Variants in FBXL7 observed in about 807,000 individuals in gnomAD.
The protein encoded by FBXL7 is F-box and leucine rich repeat protein 7.
In FBXL7, 12 loss-of-function variants were observed where a neutral mutation model predicts 38.3. That is an observed-to-expected ratio of 0.31 (90% CI 0.20 to 0.51). The LOEUF (loss-of-function observed/expected upper bound fraction) is 0.51. FBXL7 is among the 20% of genes least tolerant of loss of function. FBXL7 has a pLI of 0.98. For synonymous variants in FBXL7, 297 were observed against 300.9 expected (o/e 0.99, Z 0.13); for missense variants, 567 against 676.4 (o/e 0.84, Z 1.79).
chr5:15,893,552 T>C (rs985865066), intron 2 of FBXL7, among the ~76,000 whole-genome samples: 15 of 152,126 alleles, frequency 9.9e-5, no homozygotes, highest in African/African-American at 3.4e-4. Context: ...TGAATTTCAG[T>C]TAACTTACTG....
chr5:15,912,497 C>A (rs906650855), intron 2 of FBXL7, among the ~76,000 whole-genome samples: 1 of 149,516 alleles, frequency 6.7e-6, no homozygotes, highest in Non-Finnish European at 1.5e-5. Context: ...GCGTCGCTCA[C>A]GCTGGGAGCT....
At chr5:15,873,135 A>G (rs1254538293) in intron 2 of FBXL7, among the ~76,000 whole-genome samples, 1 of 152,200 alleles carries the variant, frequency 6.6e-6, no homozygotes. Context: ...ACTCACTCAA[A>G]ACTGCACAAC....
intron 2 of FBXL7, among the ~76,000 whole-genome samples, chr5:15,852,737 T>G (rs1739136431): frequency 6.6e-6 from 1 of 152,172 alleles, no homozygotes; most frequent in Admixed American, 6.5e-5. Flanking sequence ...CTTTGCTTCA[T>G]GAATTTGGAA....
chr5:15,829,350 C>A (rs1738394348), intron 2 of FBXL7, among the ~76,000 whole-genome samples: 1 of 151,996 alleles, frequency 6.6e-6, no homozygotes, highest in South Asian at 2.1e-4. Context: ...TTTGTAACTG[C>A]AAAAATACTA....
At chr5:15,527,776 G>T (rs1737294643) in intron 1 of FBXL7, among the ~76,000 whole-genome samples, 2 of 152,280 alleles carry the variant, frequency 1.3e-5, no homozygotes, top group South Asian at 4.1e-4. Flanking sequence ...GCAGGGAACT[G>T]TAGGTCATCT....
At chr5:15,504,991 T>C (rs1420540083) in intron 1 of FBXL7, among the ~76,000 whole-genome samples, 1 of 152,136 alleles carries the variant, frequency 6.6e-6, no homozygotes, top group African/African-American at 2.4e-5. Context: ...TGAGAGACCA[T>C]AGGGAAAGGG....
intron 2 of FBXL7, among the ~76,000 whole-genome samples, chr5:15,656,980 A>C (rs1325825285): frequency 1.3e-5 from 2 of 152,170 alleles, no homozygotes; most frequent in Non-Finnish European, 2.9e-5. Context: ...TCTCATTCAT[A>C]ATAATATTGG....
At chr5:15,805,577 A>G (rs536137159) in intron 2 of FBXL7, among the ~76,000 whole-genome samples, 2 of 152,296 alleles carry the variant, frequency 1.3e-5, no homozygotes, top group Admixed American at 1.3e-4. Context: ...AGTTCTTTGA[A>G]AAAACCTATT....
chr5:15,517,969 T>C (rs1736989443), intron 1 of FBXL7, among the ~76,000 whole-genome samples: 1 of 152,010 alleles, frequency 6.6e-6, no homozygotes, highest in Non-Finnish European at 1.5e-5. Flanking sequence ...TCAGTGTTTT[T>C]TTGTGTGTGT....
chr5:15,755,220 A>G (rs374489276), intron 2 of FBXL7, among the ~76,000 whole-genome samples: 4 of 152,278 alleles, frequency 2.6e-5, no homozygotes, highest in East Asian at 1.9e-4. Context: ...ATTAAATTGT[A>G]TTTTGTATTT....
chr5:15,887,974 G>A (rs1740746278), intron 2 of FBXL7, among the ~76,000 whole-genome samples: 1 of 152,096 alleles, frequency 6.6e-6, no homozygotes, highest in Non-Finnish European at 1.5e-5. Flanking sequence ...GGTCTCCTGT[G>A]TCTGACATCA....
intron 2 of FBXL7, among the ~76,000 whole-genome samples, chr5:15,677,492 A>G (rs62347937): frequency 1.9e-3 from 198 of 103,486 alleles, no homozygotes; most frequent in African/African-American, 6.8e-3. Context: ...GAGAGAGAGA[A>G]AGAAAGGAAG....
chr5:15,538,798 G>A (rs1737657610), intron 1 of FBXL7, among the ~76,000 whole-genome samples: 1 of 152,168 alleles, frequency 6.6e-6, no homozygotes, highest in Non-Finnish European at 1.5e-5. Context: ...TTGTTTTGGT[G>A]TGATTCCAGC....
chr5:15,633,395 C>T (rs1741063603), intron 2 of FBXL7, among the ~76,000 whole-genome samples: 1 of 152,078 alleles, frequency 6.6e-6, no homozygotes, highest in African/African-American at 2.4e-5. Context: ...TTTCTATTTC[C>T]CATCCCTGAT....
rs1301524421 is a variant in FBXL7 at position 15,896,555 on chromosome 5, C to T, written c.128-31335C>T. ...AACAGTGGCATGTGCCACCAGTTCT[C>T]CAGCTGGAAAGCCCAGATCACAGGC... On this transcript the variant is annotated intron_variant, in intron 2 of 3. Coordinates refer to ENST00000504595, the MANE Select transcript of FBXL7 (RefSeq NM_012304.5). Among the ~76,000 whole-genome samples, 41 of 152,056 alleles carry T rather than the reference C, an allele frequency of 2.7e-4. 1 individual carries two copies. Among genetic ancestry groups the T allele is most frequent in the Admixed American group, 2.7e-3 (41 of 15,262 alleles).
At chr5:15,512,612 CT>C (rs1292909018) in intron 1 of FBXL7, among the ~76,000 whole-genome samples, 1 of 152,132 alleles carries the variant, frequency 6.6e-6, no homozygotes, top group Non-Finnish European at 1.5e-5. Flanking sequence ...TAGTTTGGAA[CT>C]TTATTTGTAT....
intron 1 of FBXL7, among the ~76,000 whole-genome samples, chr5:15,614,733 G>A (rs1295288294): frequency 6.6e-6 from 1 of 152,182 alleles, no homozygotes; most frequent in Non-Finnish European, 1.5e-5. Context: ...ATTGGCCAGG[G>A]CTAGGCTGTC....
intron 1 of FBXL7, among the ~76,000 whole-genome samples, chr5:15,503,891 T>C (rs1334109743): frequency 2.0e-5 from 3 of 152,268 alleles, no homozygotes; most frequent in African/African-American, 7.2e-5. Context: ...ATTAGAACTT[T>C]TAACACGTCA....
At chr5:15,710,931 C>T (rs1403509274) in intron 2 of FBXL7, among the ~76,000 whole-genome samples, 3 of 152,178 alleles carry the variant, frequency 2.0e-5, no homozygotes, top group Non-Finnish European at 2.9e-5. Flanking sequence ...ACAATTCCCA[C>T]GTTGTCATGG....
Sources: allele counts gnomAD v4.1 joint callset (sites outside exome capture counted in the v4.1 genomes callset), GRCh38; gene constraint gnomAD v4.1.1; transcripts MANE v1.5; gene names NCBI Gene and HGNC (gene_info 2026-07-23, HGNC 2026-07-21).